ANXA8: variants seen among roughly 807,000 people sequenced by gnomAD.
ANXA8 encodes the protein annexin A8.
In ANXA8, 9 loss-of-function variants were observed where a neutral mutation model predicts 26.8. The observed-to-expected ratio is 0.34, with a 90% confidence interval of 0.20 to 0.59. The LOEUF is 0.59. Ranked by LOEUF, ANXA8 falls within the 20% of genes least tolerant of loss-of-function variation. The pLI is 0.84. For missense variants in ANXA8, 83 were observed against 238.5 expected (o/e 0.35, Z 4.29); for synonymous variants, 39 against 94.8 (o/e 0.41, Z 3.42).
the ANXA8 span, among the ~76,000 whole-genome samples, chr10:47,686,514 C>T: frequency 6.6e-6 from 1 of 151,918 alleles, no homozygotes; most frequent in East Asian, 1.9e-4. Flanking sequence ...TCCTGGCCTC[C>T]TGTCACTTTT....
the ANXA8 span, among the ~76,000 whole-genome samples, chr10:47,743,315 C>CATATATATATACATATATAT: frequency 1.0e-4 from 6 of 60,020 alleles, no homozygotes; most frequent in Non-Finnish European, 2.2e-4. Context: ...TATATATACA[C>CATATATATATACATATATAT]ATATATATAT....
intron 11 of ANXA8, 127 bp from the exon 12 acceptor site, chr10:47,469,033 T>C (rs1839212769): frequency 2.2e-6 from 3 of 1,361,632 alleles, no homozygotes; most frequent in Non-Finnish European, 3.1e-6. Flanking sequence ...CCAGGGTTCC[T>C]AGCCGCAGGG....
chr10:47,652,899 C>T, the ANXA8 span, among the ~76,000 whole-genome samples: 2 of 150,978 alleles, frequency 1.3e-5, no homozygotes, highest in African/African-American at 4.9e-5. Flanking sequence ...ATTATATTTA[C>T]ACTTGATCTT....
the ANXA8 span, among the ~76,000 whole-genome samples, chr10:47,551,532 C>G: frequency 1.3e-5 from 2 of 151,870 alleles, no homozygotes; most frequent in African/African-American, 4.8e-5. Flanking sequence ...ATTCTTGTAT[C>G]TTGGGCAAGA....
At chr10:47,729,395 G>T in the ANXA8 span, among the ~76,000 whole-genome samples, 1 of 142,754 alleles carries the variant, frequency 7.0e-6, no homozygotes, top group African/African-American at 2.5e-5. Context: ...TTGTCAAGGG[G>T]TTAGTACAGT....
chr10:47,953,147 A>G, the ANXA8 span, among the ~76,000 whole-genome samples: 5 of 149,862 alleles, frequency 3.3e-5, no homozygotes, highest in Non-Finnish European at 7.4e-5. Flanking sequence ...TACAAAAGAC[A>G]CCATGAAGAA....
the ANXA8 span, among the ~76,000 whole-genome samples, chr10:47,510,019 T>A: frequency 7.1e-6 from 1 of 141,812 alleles, no homozygotes; most frequent in Admixed American, 7.2e-5. Context: ...CGTCTAAGAT[T>A]AAAAGAGAAA....
the ANXA8 span, among the ~76,000 whole-genome samples, chr10:47,978,689 G>GT: frequency 1.7e-5 from 1 of 60,556 alleles, no homozygotes; most frequent in African/African-American, 4.8e-5. Flanking sequence ...AAAATATATG[G>GT]TAAAACAAAC....
chr10:47,491,795 G>A, the ANXA8 span: 2 of 1,233,244 alleles, frequency 1.6e-6, no homozygotes, highest in Non-Finnish European at 2.3e-6. Context: ...CCCAGTAGGA[G>A]GCTGGACAGG....
intron 4 of ANXA8, 72 bp from the exon 5 acceptor site, chr10:47,476,394 C>T: frequency 2.1e-6 from 1 of 482,390 alleles, no homozygotes. Flanking sequence ...CTTCTTTTCT[C>T]AAGATGCCTG....
chr10:47,777,475 G>A, the ANXA8 span, among the ~76,000 whole-genome samples: 4 of 152,282 alleles, frequency 2.6e-5, no homozygotes, highest in South Asian at 2.1e-4. Context: ...TCTTTATGGT[G>A]TATTGCCCTG....
At chr10:47,906,907 CCCT>C in the ANXA8 span, among the ~76,000 whole-genome samples, 1 of 135,314 alleles carries the variant, frequency 7.4e-6, no homozygotes, top group African/African-American at 2.8e-5. Context: ...AACTTGGGAG[CCCT>C]CATTTTCAAA....
the ANXA8 span, among the ~76,000 whole-genome samples, chr10:47,693,931 G>A: frequency 1.3e-5 from 2 of 151,620 alleles, no homozygotes; most frequent in Non-Finnish European, 2.9e-5. Context: ...ATCTAGTTTT[G>A]GAGTGTTAAC....
chr10:47,685,937 T>G, the ANXA8 span, among the ~76,000 whole-genome samples: 11 of 148,698 alleles, frequency 7.4e-5, no homozygotes, highest in East Asian at 2.2e-3. Flanking sequence ...GTATATGCCT[T>G]TTAAACATTT....
chr10:47,669,167 C>T, the ANXA8 span, among the ~76,000 whole-genome samples: 10 of 151,844 alleles, frequency 6.6e-5, no homozygotes, highest in Non-Finnish European at 1.2e-4. Context: ...AGCATAGTAA[C>T]CTAACCATGT....
chr10:47,565,131 G>C, the ANXA8 span: 2 of 750,188 alleles, frequency 2.7e-6, no homozygotes, highest in Non-Finnish European at 4.9e-6. Context: ...AACTTCCTGG[G>C]CCAGCTGCTG....
the ANXA8 span, among the ~76,000 whole-genome samples, chr10:47,926,027 CTTTTT>C: frequency 1.7e-4 from 4 of 23,866 alleles, no homozygotes; most frequent in African/African-American, 7.2e-4. Context: ...TGCTGGATAT[CTTTTT>C]TTTTTTTTTT....
At chr10:47,501,055 G>A in the ANXA8 span, among the ~76,000 whole-genome samples, 2 of 144,234 alleles carry the variant, frequency 1.4e-5, no homozygotes, top group Non-Finnish European at 3.0e-5. Context: ...CACCACACCT[G>A]GCTAATTTTT....
the ANXA8 span, among the ~76,000 whole-genome samples, chr10:47,941,677 T>G: frequency 6.8e-6 from 1 of 147,416 alleles, no homozygotes. Flanking sequence ...TTTCTTCAGT[T>G]CTTATGCTGT....
Sources: allele counts gnomAD v4.1 joint callset (sites outside exome capture counted in the v4.1 genomes callset), GRCh38; gene constraint gnomAD v4.1.1; transcripts MANE v1.5; gene names NCBI Gene and HGNC (gene_info 2026-07-23, HGNC 2026-07-21).